The following CEP112 variants were observed in gnomAD, a reference collection of about 807,000 sequenced individuals.
CEP112 encodes the protein centrosomal protein of 112 kDa.
CEP112 carries 127 observed loss-of-function variants against 153.0 expected under a neutral mutation model. The ratio of observed to expected loss-of-function variants is 0.83; its 90% confidence interval spans 0.72 to 0.96. The LOEUF (loss-of-function observed/expected upper bound fraction) is 0.96, where lower values mean the gene tolerates loss of function less well. Ranked by LOEUF, CEP112 falls within the 40% of genes least tolerant of loss-of-function variation. The probability of loss-of-function intolerance (pLI) is 0.00; values close to 1 mark genes in which losing one functional copy is unlikely to be tolerated. For synonymous variants in CEP112, 358 were observed against 374.4 expected (o/e 0.96, Z 0.51); for missense variants, 1,089 against 1,101.2 (o/e 0.99, Z 0.16).
intron 16 of CEP112, among the ~76,000 whole-genome samples, chr17:66,023,086 A>G (rs1019397850): frequency 6.6e-6 from 1 of 152,154 alleles, no homozygotes; most frequent in Non-Finnish European, 1.5e-5. Flanking sequence ...AACTGAAGTT[A>G]CAAAAGATTG....
At chr17:65,689,043 C>T (rs534266683) in intron 24 of CEP112, 86 bp downstream of exon 24, 14 of 938,872 alleles carry the variant, frequency 1.5e-5, no homozygotes, top group South Asian at 1.3e-4. Flanking sequence ...GCTGAGATTA[C>T]AGGTGTGAGC....
intron 18 of CEP112, among the ~76,000 whole-genome samples, chr17:65,936,556 C>T (rs2144352721): frequency 6.6e-6 from 1 of 152,172 alleles, no homozygotes; most frequent in East Asian, 1.9e-4. Flanking sequence ...ACCCAGAATT[C>T]AACAACACAT....
At chr17:66,066,644 A>C (rs2146048041) in intron 10 of CEP112, 134 bp downstream of exon 10, 1 of 536,394 alleles carries the variant, frequency 1.9e-6, no homozygotes, top group East Asian at 3.6e-5. Context: ...CTATATAAAT[A>C]TATCCACTGA....
intron 20 of CEP112, among the ~76,000 whole-genome samples, chr17:65,900,442 C>T (rs765321171): frequency 8.5e-5 from 13 of 152,082 alleles, no homozygotes; most frequent in Non-Finnish European, 1.2e-4. Context: ...CTTTATTATA[C>T]GTAATAGAAC....
intron 23 of CEP112, among the ~76,000 whole-genome samples, chr17:65,713,719 T>C (rs1460181956): frequency 1.3e-5 from 2 of 152,162 alleles, no homozygotes; most frequent in Non-Finnish European, 2.9e-5. Context: ...CCCAAGTAGC[T>C]GGGAATACAG....
At position 65,961,640 on chromosome 17, in the gene CEP112, A is replaced by G. The variant is rs141537360; in HGVS notation, c.1737-42T>C. On this transcript the variant is annotated intron_variant, in intron 17 of 26. Coordinates refer to ENST00000535342, the MANE Select transcript of CEP112 (RefSeq NM_001199165.4). Reference sequence around the variant, plus strand: ...AAGCTTCAGAGTTAAAATATAAAAGAGCTAGGCCTGAATGAAAGAACAATA... The same window carrying G: ...AAGCTTCAGAGTTAAAATATAAAAGGGCTAGGCCTGAATGAAAGAACAATA... 4.1e-3 allele frequency: 6,324 copies of G among 1,534,154 alleles called. 15 individuals are homozygous for G. Among genetic ancestry groups the G allele is most frequent in the Non-Finnish European group, 5.3e-3 (5,958 of 1,130,808 alleles).
At chr17:66,154,658 G>A (rs1417640090) in intron 4 of CEP112, among the ~76,000 whole-genome samples, 10 of 151,862 alleles carry the variant, frequency 6.6e-5, no homozygotes, top group South Asian at 6.3e-4. Context: ...AATGAGAAAG[G>A]TAAAATAAGA....
intron 23 of CEP112, among the ~76,000 whole-genome samples, chr17:65,702,875 T>C (rs185237297): frequency 6.6e-6 from 1 of 152,244 alleles, no homozygotes; most frequent in East Asian, 1.9e-4. Flanking sequence ...ACTTATTCAC[T>C]GTCACAAGAA....
rs556408626 is a variant in CEP112 at position 65,757,013 on chromosome 17, C to T, written c.2395-6289G>A. On this transcript the variant is annotated intron_variant, in intron 21 of 26. Coordinates refer to ENST00000535342, the MANE Select transcript of CEP112 (RefSeq NM_001199165.4). The stretch of plus-strand genomic sequence containing the variant: ...AAAATGAGGTCATAAGGGTGGGGCC[C>T]TACTCCAACAGGATAGGTGTCATTA... Among the ~76,000 whole-genome samples, 17 of 152,214 alleles carry T rather than the reference C, an allele frequency of 1.1e-4. No homozygotes were observed. The East Asian group carries it at 3.3e-3, about 29-fold the overall frequency.
intron 6 of CEP112, among the ~76,000 whole-genome samples, chr17:66,124,227 T>C (rs2069733699): frequency 6.6e-6 from 1 of 152,104 alleles, no homozygotes; most frequent in Non-Finnish European, 1.5e-5. Context: ...ATACACAGAC[T>C]ACCAATCCCC....
chr17:65,664,377 TTAAG>T (rs1217805497), intron 24 of CEP112, among the ~76,000 whole-genome samples: 1 of 152,222 alleles, frequency 6.6e-6, no homozygotes, highest in Non-Finnish European at 1.5e-5. Flanking sequence ...AGTCCATTAA[TTAAG>T]TTTTAAGAGA....
intron 23 of CEP112, among the ~76,000 whole-genome samples, chr17:65,722,592 T>C (rs188109762): frequency 6.6e-6 from 1 of 152,332 alleles, no homozygotes; most frequent in East Asian, 1.9e-4. Flanking sequence ...TTCAAGATTC[T>C]GTTAATCAAT....
At chr17:65,970,775 A>ATGT (rs10691540) in intron 17 of CEP112, among the ~76,000 whole-genome samples, 51,804 of 123,220 alleles carry the variant, frequency 0.42, 12,257 homozygotes, top group East Asian at 0.87. Context: ...TACATGTTAC[A>ATGT]TGCATGCATA....
intron 18 of CEP112, among the ~76,000 whole-genome samples, chr17:65,950,578 A>G (rs1458584816): frequency 2.6e-5 from 4 of 152,058 alleles, no homozygotes; most frequent in Non-Finnish European, 5.9e-5. Flanking sequence ...TTATCCTGCA[A>G]GCTTGTTTAA....
At chr17:66,030,082 T>C in intron 12 of CEP112, 59 bp from the exon 13 acceptor site, 1 of 1,424,542 alleles carries the variant, frequency 7.0e-7, no homozygotes, top group African/African-American at 1.4e-5. Context: ...CTTTTGTATC[T>C]GTAAGAAGCT....
rs560698848 is a variant in CEP112 at position 65,949,278 on chromosome 17, C to T, written c.1872+12185G>A. The stretch of plus-strand genomic sequence containing the variant: ...AAATGGGGTCCCTTGTTACTACACT[C>T]ACACCAAAGGTGCTTTCTTTATTTC... On this transcript the variant is annotated intron_variant, in intron 18 of 26. Transcript: ENST00000535342. Among the ~76,000 whole-genome samples, 3 of 152,326 alleles carry T rather than the reference C, an allele frequency of 2.0e-5. No individual in the cohort carries two copies. In the South Asian group the frequency reaches 6.2e-4, roughly 32 times the overall value.
At chr17:66,164,828 C>G (rs1166238603) in intron 4 of CEP112, among the ~76,000 whole-genome samples, 1 of 151,462 alleles carries the variant, frequency 6.6e-6, no homozygotes, top group East Asian at 1.9e-4. Flanking sequence ...GCACTCCAGC[C>G]TGGGCAACAA....
At chr17:65,773,755 T>C (rs1479909407) in intron 21 of CEP112, among the ~76,000 whole-genome samples, 2 of 152,164 alleles carry the variant, frequency 1.3e-5, no homozygotes, top group African/African-American at 4.8e-5. Context: ...GCCCAGCTTG[T>C]CATTCTACCT....
chr17:66,056,725 C>T (rs2066706211), intron 11 of CEP112, among the ~76,000 whole-genome samples: 1 of 152,100 alleles, frequency 6.6e-6, no homozygotes, highest in South Asian at 2.1e-4. Flanking sequence ...GTTGAAGAGC[C>T]TGGGGTGTGG....
Sources: allele counts gnomAD v4.1 joint callset (sites outside exome capture counted in the v4.1 genomes callset), GRCh38; gene constraint gnomAD v4.1.1; transcripts MANE v1.5; gene names NCBI Gene and HGNC (gene_info 2026-07-23, HGNC 2026-07-21).